ITGB3BP: variants seen among roughly 807,000 people sequenced by gnomAD.
ITGB3BP encodes the protein centromere protein R.
A neutral mutation model predicts 29.1 loss-of-function variants in ITGB3BP; 27 were observed. The observed-to-expected ratio is 0.93, with a 90% CI of 0.68 to 1.28. The LOEUF (loss-of-function observed/expected upper bound fraction) is 1.28. Ranked by LOEUF, ITGB3BP falls within the 50% of genes most tolerant of loss-of-function variation. The probability of loss-of-function intolerance (pLI) is 0.00; values close to 1 mark genes in which losing one functional copy is unlikely to be tolerated. For synonymous variants in ITGB3BP, 61 were observed against 61.4 expected (o/e 0.99, Z 0.03); for missense variants, 192 against 200.2 (o/e 0.96, Z 0.25).
intron 3 of ITGB3BP, among the ~76,000 whole-genome samples, chr1:63,486,849 T>A (rs1173566012): frequency 6.6e-6 from 1 of 151,958 alleles, no homozygotes; most frequent in Non-Finnish European, 1.5e-5. Context: ...GAGAGACACA[T>A]TACTTGTGCA....
chr1:63,495,822 A>G (rs1645773014), intron 2 of ITGB3BP, among the ~76,000 whole-genome samples: 1 of 152,180 alleles, frequency 6.6e-6, no homozygotes, highest in Non-Finnish European at 1.5e-5. Context: ...ACAAGGATAT[A>G]TAATAATATT....
intron 1 of ITGB3BP, among the ~76,000 whole-genome samples, chr1:63,510,674 T>C (rs539751297): frequency 6.6e-6 from 1 of 152,182 alleles, no homozygotes; most frequent in African/African-American, 2.4e-5. Flanking sequence ...GAAAACAGTT[T>C]GTGCAACTTG....
At chr1:63,523,472 C>T, upstream of ITGB3BP, 1 of 400,838 alleles carries the variant, frequency 2.5e-6, no homozygotes, top group South Asian at 2.7e-5. Flanking sequence ...AGATTTCTAG[C>T]CGGATCGTTT....
In ITGB3BP at chr1:63,469,329, A is replaced by T. The variant is rs907698159; in HGVS notation, c.254+9435T>A. Reference sequence around the variant, plus strand: ...TTGACCATAAATTATTATTATTATTATTTTTTTTTTTTTTGAGACAGAGTC... The same window carrying T: ...TTGACCATAAATTATTATTATTATTTTTTTTTTTTTTTTTGAGACAGAGTC... On this transcript the variant is annotated intron_variant, in intron 4 of 8. Coordinates refer to ENST00000271002, the MANE Select transcript of ITGB3BP (RefSeq NM_014288.5). Among the ~76,000 whole-genome samples the T allele has an allele frequency of 2.0e-3, 301 of 149,640 alleles. 2 individuals are homozygous for T. In the South Asian group the frequency reaches 0.021, roughly 10 times the overall value.
intron 2 of ITGB3BP, among the ~76,000 whole-genome samples, chr1:63,504,008 T>C (rs1354627421): frequency 2.0e-5 from 3 of 151,820 alleles, no homozygotes; most frequent in Non-Finnish European, 4.4e-5. Flanking sequence ...TCTTTTTTGG[T>C]TCCATATGAA....
intron 2 of ITGB3BP, among the ~76,000 whole-genome samples, chr1:63,500,104 G>A (rs1645888213): frequency 2.0e-5 from 3 of 152,210 alleles, no homozygotes; most frequent in South Asian, 2.1e-4. Context: ...GGGCGGGGGG[G>A]CTGTGACTCA....
intron 7 of ITGB3BP, chr1:63,449,870 G>A (rs1398141167): frequency 1.3e-5 from 2 of 153,074 alleles, no homozygotes; most frequent in Non-Finnish European, 2.9e-5. Flanking sequence ...AACTAAAAGG[G>A]TAGTAGTCTT....
intron 1 of ITGB3BP, among the ~76,000 whole-genome samples, chr1:63,522,495 A>G (rs1646476283): frequency 6.6e-6 from 1 of 152,220 alleles, no homozygotes. Flanking sequence ...TATTTTATGC[A>G]TCTCAATATA....
chr1:63,465,420 AT>A (rs1254428428), intron 4 of ITGB3BP, among the ~76,000 whole-genome samples: 6 of 151,216 alleles, frequency 4.0e-5, no homozygotes, highest in Admixed American at 2.0e-4. Context: ...TACCCGTGGG[AT>A]TTTTTTCTTT....
chr1:63,446,884 T>A, intron 7 of ITGB3BP, 28 bp from the exon 8 acceptor site: 1 of 1,553,956 alleles, frequency 6.4e-7, no homozygotes, highest in Non-Finnish European at 8.8e-7. Flanking sequence ...GGTTTTTTTT[T>A]TCAGAAAACA....
At chr1:63,493,678 A>G (rs1319099336) in intron 2 of ITGB3BP, among the ~76,000 whole-genome samples, 1 of 152,120 alleles carries the variant, frequency 6.6e-6, no homozygotes, top group Non-Finnish European at 1.5e-5. Context: ...TAGATATGAT[A>G]TTTTCCTTTC....
At chr1:63,498,320 C>T (rs2100720224) in intron 2 of ITGB3BP, among the ~76,000 whole-genome samples, 1 of 152,166 alleles carries the variant, frequency 6.6e-6, no homozygotes, top group East Asian at 1.9e-4. Flanking sequence ...AAACAGGTCT[C>T]AACACATTTA....
At chr1:63,474,309 C>T (rs1358524211) in intron 4 of ITGB3BP, among the ~76,000 whole-genome samples, 4 of 146,152 alleles carry the variant, frequency 2.7e-5, no homozygotes, top group Admixed American at 1.3e-4. Context: ...CCGCCCCATC[C>T]GGGAGGTGAG....
intron 2 of ITGB3BP, among the ~76,000 whole-genome samples, chr1:63,494,519 G>A (rs1195298046): frequency 6.6e-6 from 1 of 152,074 alleles, no homozygotes; most frequent in East Asian, 1.9e-4. Context: ...GAAACATTTT[G>A]AACTTATCTT....
chr1:63,446,855 T>A lies in ITGB3BP; in HGVS notation c.486A>T (p.Ala162=). The A allele has an allele frequency of 6.2e-7, 1 of 1,608,744 alleles. No homozygotes were observed. The highest frequency in any genetic ancestry group is 8.5e-7 in the Non-Finnish European group (1 of 1,176,198). The change falls in exon 8 of 9, where the codon GCA becomes GCT. Residue 162 remains alanine (A), a splice_region_variant and synonymous_variant. Coordinates refer to ENST00000271002, the MANE Select transcript of ITGB3BP (RefSeq NM_014288.5). ...FEKSTGLPHK[A]SRHLDSYEFL... The stretch of plus-strand genomic sequence containing the variant: ...ATTCATAGCTGTCAAGATGACGTGA[T>A]GCTATATGAAAGAAGAAAGGTTTTT...
chr1:63,497,834 T>G (rs1015452081), intron 2 of ITGB3BP, among the ~76,000 whole-genome samples: 2 of 152,180 alleles, frequency 1.3e-5, no homozygotes, highest in Non-Finnish European at 2.9e-5. Context: ...TCTGATGACT[T>G]TATCACTGGG....
At chr1:63,497,255 T>C (rs565694720) in intron 2 of ITGB3BP, among the ~76,000 whole-genome samples, 3 of 149,330 alleles carry the variant, frequency 2.0e-5, no homozygotes, top group Non-Finnish European at 2.9e-5. Context: ...CAGTGAAACA[T>C]GATTATACCA....
chr1:63,519,023 G>A (rs1646394877), intron 1 of ITGB3BP, among the ~76,000 whole-genome samples: 1 of 151,922 alleles, frequency 6.6e-6, no homozygotes, highest in African/African-American at 2.4e-5. Flanking sequence ...TGTGCCACTG[G>A]TATCATATAT....
At chr1:63,442,050 T>C (rs777383706) in intron 8 of ITGB3BP, among the ~76,000 whole-genome samples, 25 of 152,174 alleles carry the variant, frequency 1.6e-4, no homozygotes, top group Admixed American at 3.9e-4. Context: ...GATTGCACCA[T>C]TGCAGTCCAG....
Sources: gnomAD v4.1 joint callset for allele counts (sites outside exome capture counted in the v4.1 genomes callset) on GRCh38, gnomAD v4.1.1 for gene constraint, MANE v1.5 for transcripts, NCBI Gene and HGNC (gene_info 2026-07-23, HGNC 2026-07-21) for gene names.